The following GRM8 variants were observed in gnomAD, a reference collection of about 807,000 sequenced individuals.
GRM8 encodes metabotropic glutamate receptor 8.
Under a neutral mutation model 87.2 loss-of-function variants are expected in GRM8, and 47 were observed. The observed-to-expected ratio is 0.54, with a 90% CI of 0.43 to 0.69. The LOEUF is 0.69. Among genes scored for constraint, GRM8 ranks in the 30% least tolerant of loss-of-function variants. GRM8 has a pLI of 0.00. For synonymous variants in GRM8, 396 were observed against 404.5 expected (o/e 0.98, Z 0.25); for missense variants, 1,019 against 1,139.2 (o/e 0.89, Z 1.52).
intron 3 of GRM8, 54 bp from the exon 4 acceptor site, chr7:126,904,737 C>A (rs1802505688): frequency 6.6e-7 from 1 of 1,514,780 alleles, no homozygotes; most frequent in Non-Finnish European, 9.1e-7. Context: ...ATTTAATTAG[C>A]AAACCCAATT....
chr7:126,795,321 C>T (rs1821838578), intron 6 of GRM8, among the ~76,000 whole-genome samples: 1 of 152,100 alleles, frequency 6.6e-6, no homozygotes, highest in African/African-American at 2.4e-5. Flanking sequence ...ATCACAGCTC[C>T]ACTATCTCAT....
chr7:126,487,377 T>C (rs778484858), intron 9 of GRM8, among the ~76,000 whole-genome samples: 4 of 151,968 alleles, frequency 2.6e-5, no homozygotes. Flanking sequence ...GCGGTCCCTG[T>C]TCTCAACCTC....
intron 7 of GRM8, among the ~76,000 whole-genome samples, chr7:126,747,500 A>C (rs1019778150): frequency 2.0e-5 from 3 of 152,140 alleles, no homozygotes; most frequent in Admixed American, 1.3e-4. Flanking sequence ...GTGACTTACT[A>C]GAATATAAGC....
At chr7:126,535,275 A>G (rs1334945543) in intron 8 of GRM8, among the ~76,000 whole-genome samples, 2 of 152,152 alleles carry the variant, frequency 1.3e-5, no homozygotes, top group African/African-American at 4.8e-5. Flanking sequence ...TTCTGAGGCC[A>G]GGTCATAAAA....
At chr7:126,821,685 G>A (rs1361918422) in intron 6 of GRM8, among the ~76,000 whole-genome samples, 1 of 151,978 alleles carries the variant, frequency 6.6e-6, no homozygotes, top group Admixed American at 6.6e-5. Flanking sequence ...AAAGTTTCCA[G>A]GTACTACAAA....
intron 3 of GRM8, among the ~76,000 whole-genome samples, chr7:127,071,688 T>C (rs1228310114): frequency 6.6e-6 from 1 of 152,180 alleles, no homozygotes; most frequent in East Asian, 1.9e-4. Context: ...GGAAACACTG[T>C]AACTCAAAAG....
At chr7:126,952,283 T>C (rs949808373) in intron 3 of GRM8, among the ~76,000 whole-genome samples, 3 of 151,994 alleles carry the variant, frequency 2.0e-5, no homozygotes, top group Admixed American at 6.6e-5. Flanking sequence ...TATAAGTTCA[T>C]ACACATGGAT....
intron 9 of GRM8, among the ~76,000 whole-genome samples, chr7:126,458,888 T>A (rs1224434526): frequency 6.6e-6 from 1 of 151,166 alleles, no homozygotes; most frequent in Non-Finnish European, 1.5e-5. Flanking sequence ...GAAAACAGTA[T>A]GTATGAAAAC....
rs748652797 is a variant in GRM8 at position 126,901,983 on chromosome 7, AAAAT to A, written c.1156+555_1156+558del. ...TTTTTTCTATGTGCACAATCATCTG[AAAAT>A]AAATATAGTTTTAATCATATATTCA... On this transcript the variant is annotated intron_variant, in intron 6 of 10. Transcript: ENST00000339582. Among the ~76,000 whole-genome samples, 5 of 151,504 alleles carry A rather than the reference AAAAT, an allele frequency of 3.3e-5. No individual in the cohort carries two copies. The East Asian group carries it at 7.8e-4, about 23-fold the overall frequency.
chr7:126,727,670 C>T (rs1813147743), intron 7 of GRM8, among the ~76,000 whole-genome samples: 1 of 150,900 alleles, frequency 6.6e-6, no homozygotes, highest in South Asian at 2.1e-4. Context: ...TGGTGGATTG[C>T]CCAGAACAGA....
At chr7:127,136,535 A>AGATCAGAG (rs1246577697) in intron 2 of GRM8, among the ~76,000 whole-genome samples, 1 of 152,134 alleles carries the variant, frequency 6.6e-6, no homozygotes, top group African/African-American at 2.4e-5. Context: ...AGGTTGTGAC[A>AGATCAGAG]GATCAGAGAC....
intron 3 of GRM8, among the ~76,000 whole-genome samples, chr7:127,051,109 C>G (rs1216197809): frequency 6.6e-6 from 1 of 151,928 alleles, no homozygotes; most frequent in African/African-American, 2.4e-5. Context: ...TTTGAATAGT[C>G]AATTGGAACC....
chr7:127,129,021 A>T (rs1216200183), intron 2 of GRM8, among the ~76,000 whole-genome samples: 1 of 152,178 alleles, frequency 6.6e-6, no homozygotes, highest in Non-Finnish European at 1.5e-5. Context: ...TAATCATATG[A>T]CTTCATAATG....
chr7:127,056,465 CACTT>C (rs907753884), intron 3 of GRM8, among the ~76,000 whole-genome samples: 1 of 152,128 alleles, frequency 6.6e-6, no homozygotes, highest in African/African-American at 2.4e-5. Context: ...AAGGGAGGTA[CACTT>C]AGCTAATGAT....
chr7:126,901,618 C>G (rs1043313185), intron 6 of GRM8, among the ~76,000 whole-genome samples: 2 of 152,046 alleles, frequency 1.3e-5, no homozygotes, highest in African/African-American at 4.8e-5. Context: ...TTTATTTGAA[C>G]AGCTATTTCC....
chr7:126,717,795 T>C (rs1476947922), intron 7 of GRM8, among the ~76,000 whole-genome samples: 2 of 152,218 alleles, frequency 1.3e-5, no homozygotes, highest in African/African-American at 2.4e-5. Flanking sequence ...GGAATAATTT[T>C]ATGGACAAAA....
At chr7:126,700,979 C>T (rs1231071348) in intron 7 of GRM8, among the ~76,000 whole-genome samples, 1 of 152,070 alleles carries the variant, frequency 6.6e-6, no homozygotes, top group Non-Finnish European at 1.5e-5. Context: ...CTCCTTCCTT[C>T]CCTCCCTCTC....
At chr7:126,448,060 A>T (rs1190003544) in intron 9 of GRM8, among the ~76,000 whole-genome samples, 2 of 151,968 alleles carry the variant, frequency 1.3e-5, no homozygotes, top group Non-Finnish European at 2.9e-5. Context: ...GTATTGGTTA[A>T]TCTTTTTTGA....
intron 6 of GRM8, among the ~76,000 whole-genome samples, chr7:126,826,713 T>C (rs1225475248): frequency 2.0e-5 from 3 of 152,180 alleles, no homozygotes; most frequent in African/African-American, 7.2e-5. Context: ...AGTAGCTCTT[T>C]AGTTTAATTA....
Sources: allele counts gnomAD v4.1 joint callset (sites outside exome capture counted in the v4.1 genomes callset), GRCh38; gene constraint gnomAD v4.1.1; transcripts MANE v1.5; gene names NCBI Gene and HGNC (gene_info 2026-07-23, HGNC 2026-07-21).